Variants in VAT1L observed in about 807,000 individuals in gnomAD.
VAT1L encodes the protein vesicle amine transport 1 like, also known as putative NADPH-dependent quinone oxidoreductase VAT1L.
Under a neutral mutation model 44.1 loss-of-function variants are expected in VAT1L, and 34 were observed. The observed-to-expected ratio is 0.77, with a 90% CI of 0.59 to 1.03. The LOEUF (loss-of-function observed/expected upper bound fraction) is 1.03, where lower values mean the gene tolerates loss of function less well. Among genes scored for constraint, VAT1L ranks in the 50% least tolerant of loss-of-function variants. The probability of loss-of-function intolerance (pLI) is 0.00; values close to 1 mark genes in which losing one functional copy is unlikely to be tolerated. For missense variants in VAT1L, 615 were observed against 538.8 expected (o/e 1.14, Z -1.40); for synonymous variants, 253 against 202.2 (o/e 1.25, Z -2.13).
At chr16:77,962,503 G>A (rs1249258572) in intron 7 of VAT1L, among the ~76,000 whole-genome samples, 3 of 152,192 alleles carry the variant, frequency 2.0e-5, no homozygotes, top group South Asian at 4.1e-4. Context: ...CTCTGGACTT[G>A]GGAGTCAAAC....
At chr16:77,805,848 T>C (rs1175459597) in intron 1 of VAT1L, among the ~76,000 whole-genome samples, 4 of 150,838 alleles carry the variant, frequency 2.7e-5, no homozygotes, top group Non-Finnish European at 5.9e-5. Flanking sequence ...TTGTGTTATT[T>C]TTTCCTTAGT....
intron 7 of VAT1L, among the ~76,000 whole-genome samples, chr16:77,960,050 T>C (rs1294935270): frequency 1.3e-5 from 2 of 152,000 alleles, no homozygotes; most frequent in South Asian, 2.1e-4. Context: ...TTATCACTTC[T>C]TCAGAGAAGC....
chr16:77,955,280 T>C (rs2018090041), intron 7 of VAT1L, among the ~76,000 whole-genome samples: 2 of 152,302 alleles, frequency 1.3e-5, no homozygotes, highest in South Asian at 4.1e-4. Flanking sequence ...CCTGGAAGCA[T>C]TTTTGTTTGT....
chr16:77,962,747 G>A (rs999040793), intron 7 of VAT1L, among the ~76,000 whole-genome samples: 32 of 148,920 alleles, frequency 2.1e-4, no homozygotes, highest in Admixed American at 8.1e-4. Flanking sequence ...AAAGAAGGAA[G>A]GAAGGAAGGA....
rs548053520 is a variant in VAT1L, at chr16:77,961,908, A to G, written c.1078-9942A>G. On this transcript the variant is annotated intron_variant, in intron 7 of 8. Coordinates refer to ENST00000302536, the MANE Select transcript of VAT1L (RefSeq NM_020927.3). ...TGATGGGAATGCTATACAGATGTGAATATTGTTGTCATCATTTTTGTCATT... is the reference window on the plus strand; with the variant it reads ...TGATGGGAATGCTATACAGATGTGAGTATTGTTGTCATCATTTTTGTCATT... Among the ~76,000 whole-genome samples, 45 of 152,176 alleles carry G rather than the reference A, an allele frequency of 3.0e-4. 1 individual carries two copies. Among genetic ancestry groups the G allele is most frequent in the Non-Finnish European group, 8.8e-5 (6 of 68,028 alleles).
intron 7 of VAT1L, among the ~76,000 whole-genome samples, chr16:77,910,469 G>C (rs537170331): frequency 2.0e-5 from 3 of 151,908 alleles, no homozygotes; most frequent in African/African-American, 2.4e-5. Flanking sequence ...TCAGGAGATC[G>C]AGACCATCCT....
intron 7 of VAT1L, among the ~76,000 whole-genome samples, chr16:77,957,488 C>T (rs1383974955): frequency 6.6e-6 from 1 of 152,082 alleles, no homozygotes. Context: ...GCACTTTGGG[C>T]AGCCAAGGCG....
At chr16:77,801,265 C>T (rs2016046334) in intron 1 of VAT1L, 2 of 152,126 alleles carry the variant, frequency 1.3e-5, no homozygotes, top group South Asian at 2.1e-4. Flanking sequence ...CTAACCTTCA[C>T]GCAAGCTACA....
intron 7 of VAT1L, among the ~76,000 whole-genome samples, chr16:77,900,682 G>A (rs2017371728): frequency 6.8e-6 from 1 of 146,004 alleles, no homozygotes; most frequent in African/African-American, 2.5e-5. Context: ...GCAGCAGAGT[G>A]AGACTGTGTC....
intron 7 of VAT1L, among the ~76,000 whole-genome samples, chr16:77,885,502 C>A (rs1257194286): frequency 1.3e-5 from 2 of 151,982 alleles, no homozygotes; most frequent in African/African-American, 4.8e-5. Flanking sequence ...AATGGCAGCT[C>A]CTTGTAGAAG....
chr16:77,853,346 T>C (rs549845149), intron 3 of VAT1L, among the ~76,000 whole-genome samples: 2 of 152,272 alleles, frequency 1.3e-5, no homozygotes, highest in South Asian at 4.2e-4. Context: ...AGGAAGTGGA[T>C]TGCTACAATG....
chr16:77,886,924 T>C (rs963625948), intron 7 of VAT1L, among the ~76,000 whole-genome samples: 3 of 152,366 alleles, frequency 2.0e-5, no homozygotes, highest in South Asian at 2.1e-4. Context: ...TACACATACA[T>C]GTGTGTTTAT....
rs192878259 is a variant in VAT1L, at chr16:77,876,334, G to A, written c.723-36G>A. 9.7e-5 allele frequency: 153 copies of A among 1,572,652 alleles called. No homozygotes were observed. In the African/African-American group the frequency reaches 1.9e-3, roughly 20 times the overall value. On this transcript the variant is annotated intron_variant, in intron 4 of 8. Coordinates refer to ENST00000302536, the MANE Select transcript of VAT1L (RefSeq NM_020927.3). ...GGGATTGACAGTCTGGCTCCTGACA[G>A]GTCACAGAATTTTGCTTTGCCTTCT...
chr16:77,837,172 G>T (rs529988583), intron 3 of VAT1L, among the ~76,000 whole-genome samples: 1 of 152,158 alleles, frequency 6.6e-6, no homozygotes, highest in East Asian at 1.9e-4. Context: ...TTCACTCCAC[G>T]GGTTTTGTTG....
chr16:77,974,586 G>A (rs1391148546), intron 8 of VAT1L, among the ~76,000 whole-genome samples: 5 of 152,084 alleles, frequency 3.3e-5, no homozygotes, highest in Non-Finnish European at 7.4e-5. Flanking sequence ...TTTTTGAAAT[G>A]CAGTCTCACT....
chr16:77,804,434 G>C (rs1362297715), intron 1 of VAT1L, among the ~76,000 whole-genome samples: 5 of 152,078 alleles, frequency 3.3e-5, no homozygotes, highest in African/African-American at 9.7e-5. Context: ...TTCTCAATAT[G>C]TCTCCTGGCT....
intron 7 of VAT1L, among the ~76,000 whole-genome samples, chr16:77,921,712 T>A (rs1457049669): frequency 6.6e-6 from 1 of 152,188 alleles, no homozygotes; most frequent in Non-Finnish European, 1.5e-5. Flanking sequence ...CCTCAAATCC[T>A]ACTTGAATAA....
intron 2 of VAT1L, among the ~76,000 whole-genome samples, chr16:77,819,742 C>T (rs1010214743): frequency 1.3e-5 from 2 of 152,242 alleles, no homozygotes; most frequent in Non-Finnish European, 2.9e-5. Flanking sequence ...GATTGGGACA[C>T]TCACTGACAG....
At chr16:77,811,694 T>C (rs779280169) in intron 1 of VAT1L, among the ~76,000 whole-genome samples, 3 of 152,146 alleles carry the variant, frequency 2.0e-5, no homozygotes, top group African/African-American at 7.2e-5. Context: ...CAATGTTTGT[T>C]GACTTTGGCA....
Sources: allele counts gnomAD v4.1 joint callset (sites outside exome capture counted in the v4.1 genomes callset), GRCh38; gene constraint gnomAD v4.1.1; transcripts MANE v1.5; gene names NCBI Gene and HGNC (gene_info 2026-07-23, HGNC 2026-07-21).